WLS: variants seen among roughly 807,000 people sequenced by gnomAD.
The protein encoded by WLS is protein wntless homolog.
WLS carries 23 observed loss-of-function variants against 62.8 expected under a neutral mutation model. The ratio of observed to expected loss-of-function variants is 0.37; its 90% confidence interval spans 0.26 to 0.52. The LOEUF (loss-of-function observed/expected upper bound fraction) is 0.52, where lower values mean the gene tolerates loss of function less well. WLS is among the 20% of genes least tolerant of loss of function. The pLI is 0.92. For missense variants in WLS, 615 were observed against 697.3 expected, an observed-to-expected ratio of 0.88 and a Z score of 1.33; for synonymous variants, 246 against 244.1, an observed-to-expected ratio of 1.01 and a Z score of -0.07.
At chr1:68,219,852 G>A (rs558654776) in intron 1 of WLS, among the ~76,000 whole-genome samples, 3 of 152,220 alleles carry the variant, frequency 2.0e-5, no homozygotes, top group East Asian at 1.9e-4. Flanking sequence ...ACTTTAAGAA[G>A]TCTTTGTCAT....
intron 2 of WLS, among the ~76,000 whole-genome samples, chr1:68,172,944 G>A (rs1647176444): frequency 6.6e-6 from 1 of 152,200 alleles, no homozygotes; most frequent in Non-Finnish European, 1.5e-5. Flanking sequence ...ATTTTGCTTA[G>A]AGGATGTTAA....
chr1:68,232,509 C>G lies in WLS; in HGVS notation c.-210G>C, dbSNP rs930272993. On this transcript the variant is annotated 5_prime_UTR_variant, in exon 1 of 12. Transcript: ENST00000262348. ...AGCCGGCTCGGGTTCCCCCAATGCC[C>G]GGAGCTGTGATTGTGGCCGCTCCGC... 22 of 1,053,114 alleles carry G rather than the reference C, an allele frequency of 2.1e-5. No homozygotes were observed. Among genetic ancestry groups the G allele is most frequent in the Non-Finnish European group, 2.3e-5 (18 of 779,570 alleles). The allele number at this position is 1,053,114 out of a possible 1,614,324, so 65.2% of individuals were successfully genotyped here.
chr1:68,156,397 C>T (rs1362388663), intron 3 of WLS, among the ~76,000 whole-genome samples: 2 of 152,124 alleles, frequency 1.3e-5, no homozygotes, highest in African/African-American at 4.8e-5. Context: ...ACAAAGAGTC[C>T]ATAGTCTAAG....
At chr1:68,098,611 A>T (rs1247872342) in exon 12 of WLS, 1 of 1,612,256 alleles carries the variant, frequency 6.2e-7, no homozygotes, top group African/African-American at 1.3e-5. Flanking sequence ...AAAGCTGATA[A>T]ACATGTGTTG....
At chr1:68,103,745 A>C (rs973753747) in intron 11 of WLS, among the ~76,000 whole-genome samples, 9 of 152,184 alleles carry the variant, frequency 5.9e-5, no homozygotes, top group Non-Finnish European at 1.3e-4. Flanking sequence ...CGTGCCCAGC[A>C]TCATCCCCGC....
At chr1:68,142,320 A>G (rs1816317) in intron 10 of WLS, among the ~76,000 whole-genome samples, 97,510 of 152,052 alleles carry the variant, frequency 0.64, 31,481 homozygotes, top group Non-Finnish European at 0.68. Context: ...CTGCTTTCCT[A>G]AAAACATATC....
At chr1:68,189,112 C>T (rs535676329) in intron 2 of WLS, among the ~76,000 whole-genome samples, 2 of 152,240 alleles carry the variant, frequency 1.3e-5, no homozygotes, top group East Asian at 1.9e-4. Flanking sequence ...AAGAATCACC[C>T]CTCTGTCCAG....
intron 2 of WLS, among the ~76,000 whole-genome samples, chr1:68,178,650 G>A (rs1647369020): frequency 6.8e-6 from 1 of 147,104 alleles, no homozygotes; most frequent in Non-Finnish European, 1.5e-5. Flanking sequence ...AGGTTGCGGT[G>A]AGCCAAGATC....
intron 11 of WLS, among the ~76,000 whole-genome samples, chr1:68,102,011 C>A (rs929365097): frequency 6.6e-6 from 1 of 152,144 alleles, no homozygotes; most frequent in African/African-American, 2.4e-5. Context: ...TAAATACCTT[C>A]GTTATAGCTG....
intron 2 of WLS, 98 bp from the exon 3 acceptor site, chr1:68,159,345 G>C: frequency 7.1e-7 from 1 of 1,406,842 alleles, no homozygotes; most frequent in Non-Finnish European, 9.6e-7. Flanking sequence ...GGAAACCAAC[G>C]AGACAAAAGG....
chr1:68,212,170 A>G (rs1649541372), intron 1 of WLS, among the ~76,000 whole-genome samples: 3 of 152,164 alleles, frequency 2.0e-5, no homozygotes, highest in Admixed American at 2.0e-4. Context: ...GTCTGTGGAG[A>G]GTTCCTAAAA....
At chr1:68,210,869 A>C (rs1204735138) in intron 1 of WLS, among the ~76,000 whole-genome samples, 5 of 152,172 alleles carry the variant, frequency 3.3e-5, no homozygotes, top group African/African-American at 1.2e-4. Flanking sequence ...ATAGATGATC[A>C]AGGGGTAAGG....
chr1:68,143,374 C>T (rs544267494), intron 10 of WLS, among the ~76,000 whole-genome samples: 1 of 152,312 alleles, frequency 6.6e-6, no homozygotes, highest in South Asian at 2.1e-4. Context: ...GACATTCAAG[C>T]TTCTTGCTAT....
chr1:68,185,704 G>A (rs752304139), intron 2 of WLS, among the ~76,000 whole-genome samples: 8 of 152,074 alleles, frequency 5.3e-5, no homozygotes, highest in South Asian at 2.1e-4. Context: ...CCATGAAACC[G>A]GTCCCTGGTG....
At chr1:68,182,475 T>A (rs1360745000) in intron 2 of WLS, among the ~76,000 whole-genome samples, 1 of 152,196 alleles carries the variant, frequency 6.6e-6, no homozygotes, top group Non-Finnish European at 1.5e-5. Context: ...TCCCTAATCT[T>A]CTCTATCCTG....
Position 68,142,176 on chromosome 1 carries a change from C to T in WLS, c.1362+2393G>A, listed in dbSNP as rs1285568363. Among the ~76,000 whole-genome samples the T allele has an allele frequency of 5.9e-5, 9 of 152,280 alleles. No homozygotes were observed. The East Asian group carries it at 1.5e-3, about 26-fold the overall frequency. ...CATGCAGCTGCTTCAGGGATCAGTC[C>T]TTCTTGACTTCAGGTGGGAGGCATT... On this transcript the variant is annotated intron_variant, in intron 10 of 11. Coordinates refer to ENST00000262348, the MANE Select transcript of WLS (RefSeq NM_024911.7).
chr1:68,176,696 T>C (rs1647273927), intron 2 of WLS, among the ~76,000 whole-genome samples: 1 of 152,250 alleles, frequency 6.6e-6, no homozygotes, highest in African/African-American at 2.4e-5. Flanking sequence ...TTTGCACATA[T>C]GTTATTTCAG....
At position 68,110,007 on chromosome 1, in the gene WLS, T is replaced by TAAAAAAAAAAAAAAAAAAAAAAAAA. The variant is rs11290966; in HGVS notation, c.1511-11279_1511-11255dup. ...TTGCACTGGAACACAACACAAAAAG[T>TAAAAAAAAAAAAAAAAAAAAAAAAA]AAAAAAAAAAAAAAAAAAAAAAAAA... On this transcript the variant is annotated intron_variant, in intron 11 of 11. Coordinates refer to the WLS transcript ENST00000354777. Among the ~76,000 whole-genome samples the TAAAAAAAAAAAAAAAAAAAAAAAAA allele has an allele frequency of 4.6e-4, 13 of 28,414 alleles. 2 individuals are homozygous for TAAAAAAAAAAAAAAAAAAAAAAAAA. The highest frequency in any genetic ancestry group is 2.1e-3 in the East Asian group (2 of 966). 18.6% of individuals were successfully genotyped at this position (28,414 alleles called of 152,430 possible).
chr1:68,148,750 G>T, intron 6 of WLS, 90 bp from the exon 7 acceptor site: 2 of 1,161,992 alleles, frequency 1.7e-6, no homozygotes, highest in Non-Finnish European at 2.5e-6. Context: ...GACACTTGCC[G>T]ACCACCTATT....
Sources: allele counts gnomAD v4.1 joint callset (sites outside exome capture counted in the v4.1 genomes callset), GRCh38; gene constraint gnomAD v4.1.1; transcripts MANE v1.5; gene names NCBI Gene and HGNC (gene_info 2026-07-23, HGNC 2026-07-21).